Variants in GPC6 observed in about 807,000 individuals in gnomAD.
The protein encoded by GPC6 is glypican 6, also known as glypican-6.
In GPC6, 14 loss-of-function variants were observed where a neutral mutation model predicts 55.2. That is an observed-to-expected ratio of 0.25 (90% CI 0.17 to 0.40). The LOEUF is 0.40. Among genes scored for constraint, GPC6 ranks in the 10% least tolerant of loss-of-function variants. GPC6 has a pLI of 1.00. For synonymous variants in GPC6, 278 were observed against 259.6 expected (o/e 1.07, Z -0.68); for missense variants, 641 against 708.5 (o/e 0.90, Z 1.08).
At chr13:94,101,621 C>G (rs188132093) in intron 4 of GPC6, among the ~76,000 whole-genome samples, 11 of 152,274 alleles carry the variant, frequency 7.2e-5, no homozygotes, top group African/African-American at 2.2e-4. Context: ...TCAACAGCAA[C>G]TGTGTTTTGA....
At chr13:94,162,526 C>T (rs1435910396) in intron 4 of GPC6, among the ~76,000 whole-genome samples, 1 of 152,194 alleles carries the variant, frequency 6.6e-6, no homozygotes, top group African/African-American at 2.4e-5. Flanking sequence ...TGGCTCACAA[C>T]AGTGAGGGCT....
intron 4 of GPC6, among the ~76,000 whole-genome samples, chr13:94,069,768 A>T (rs1006594310): frequency 6.6e-6 from 1 of 152,184 alleles, no homozygotes. Context: ...CTAGTTCCCA[A>T]CAAGTTTCTC....
rs886050359 is a variant in GPC6, at chr13:94,406,016, G to A, written c.*2799G>A. On this transcript the variant is annotated 3_prime_UTR_variant, in exon 9 of 9. Transcript: ENST00000377047. The stretch of plus-strand genomic sequence containing the variant: ...GCATAGTGATAGGGGATGCAATGAG[G>A]CTTCATTATTTTTTATGACCTGCCC... 2.6e-5 allele frequency: 4 copies of A among 151,954 alleles called. No individual in the cohort carries two copies. The highest frequency in any genetic ancestry group is 5.9e-5 in the Non-Finnish European group (4 of 67,960). The allele number at this position is 151,954 out of a possible 1,614,324, so 9.4% of individuals were successfully genotyped here. A position where few individuals can be genotyped will look rare whatever the true frequency, so the allele number is the denominator to read the frequency against.
At chr13:94,006,142 T>G (rs898404042) in intron 3 of GPC6, among the ~76,000 whole-genome samples, 2 of 152,192 alleles carry the variant, frequency 1.3e-5, no homozygotes, top group African/African-American at 2.4e-5. Context: ...GAATCCCCAT[T>G]TAACTATTGC....
intron 4 of GPC6, among the ~76,000 whole-genome samples, chr13:94,083,834 T>A (rs1477156887): frequency 6.6e-6 from 1 of 152,262 alleles, no homozygotes; most frequent in Non-Finnish European, 1.5e-5. Flanking sequence ...CTTACTTTTC[T>A]GATAAAACAC....
chr13:93,436,568 CAG>C (rs752413318), intron 1 of GPC6, among the ~76,000 whole-genome samples: 1 of 152,052 alleles, frequency 6.6e-6, no homozygotes, highest in African/African-American at 2.4e-5. Context: ...TCAGAAAAAT[CAG>C]AGTCACACTT....
At chr13:94,211,441 C>T (rs1890076387) in intron 4 of GPC6, among the ~76,000 whole-genome samples, 1 of 152,072 alleles carries the variant, frequency 6.6e-6, no homozygotes, top group South Asian at 2.1e-4. Context: ...CCTTTTGTCT[C>T]ATAGCATAGA....
intron 1 of GPC6, among the ~76,000 whole-genome samples, chr13:93,419,936 T>A (rs1348201595): frequency 4.6e-5 from 7 of 151,910 alleles, no homozygotes; most frequent in Non-Finnish European, 8.8e-5. Flanking sequence ...AAGTAGGAGG[T>A]TGTAAGAAGG....
chr13:93,561,451 AC>A (rs1723342295), intron 2 of GPC6, among the ~76,000 whole-genome samples: 1 of 145,292 alleles, frequency 6.9e-6, no homozygotes, highest in Non-Finnish European at 1.5e-5. Context: ...ATATTCTAAT[AC>A]TGTTTTCTTT....
At chr13:94,320,037 A>G (rs554243866) in intron 6 of GPC6, among the ~76,000 whole-genome samples, 2 of 152,206 alleles carry the variant, frequency 1.3e-5, no homozygotes, top group Middle Eastern at 3.4e-3. Flanking sequence ...CATCCTCCAC[A>G]TCTCTTAACC....
intron 2 of GPC6, among the ~76,000 whole-genome samples, chr13:93,705,261 G>A (rs1443611135): frequency 6.6e-6 from 1 of 151,902 alleles, no homozygotes; most frequent in East Asian, 1.9e-4. Flanking sequence ...CTCGATAAGT[G>A]CTGCCAAAGT....
At chr13:94,008,033 T>C (rs562837825) in intron 3 of GPC6, among the ~76,000 whole-genome samples, 1 of 152,184 alleles carries the variant, frequency 6.6e-6, no homozygotes, top group South Asian at 2.1e-4. Context: ...ATATCATAAA[T>C]TTTTTTTCTA....
chr13:94,222,498 T>C (rs1890414641), intron 4 of GPC6, among the ~76,000 whole-genome samples: 1 of 152,028 alleles, frequency 6.6e-6, no homozygotes, highest in South Asian at 2.1e-4. Context: ...TTCTGACAGC[T>C]CTAGTGGGGT....
At chr13:93,492,834 G>C (rs1458934216) in intron 1 of GPC6, among the ~76,000 whole-genome samples, 1 of 150,254 alleles carries the variant, frequency 6.7e-6, no homozygotes, top group Non-Finnish European at 1.5e-5. Flanking sequence ...TTATTGATTG[G>C]CATATATTGA....
At chr13:94,085,530 G>T (rs1338989347) in intron 4 of GPC6, among the ~76,000 whole-genome samples, 1 of 152,116 alleles carries the variant, frequency 6.6e-6, no homozygotes, top group Non-Finnish European at 1.5e-5. Flanking sequence ...ACCTGCAGCA[G>T]CCTCTTTCGG....
intron 3 of GPC6, among the ~76,000 whole-genome samples, chr13:93,853,499 A>G (rs1888485544): frequency 7.9e-5 from 12 of 151,698 alleles, no homozygotes; most frequent in Admixed American, 7.2e-4. Flanking sequence ...AATTGTTCTA[A>G]TAGACCGTTC....
chr13:94,366,826 G>A (rs371316196), intron 6 of GPC6, among the ~76,000 whole-genome samples: 1 of 152,152 alleles, frequency 6.6e-6, no homozygotes. Flanking sequence ...GGTCAGCAGC[G>A]AATCAAAAGG....
intron 2 of GPC6, among the ~76,000 whole-genome samples, chr13:93,551,201 A>T (rs1875139979): frequency 6.6e-6 from 1 of 151,988 alleles, no homozygotes. Flanking sequence ...TTTACCATTG[A>T]TTTTATTTTC....
chr13:94,335,293 A>T (rs1037122461), intron 6 of GPC6, among the ~76,000 whole-genome samples: 2 of 152,246 alleles, frequency 1.3e-5, no homozygotes, highest in Admixed American at 6.5e-5. Context: ...TGGATAGGAT[A>T]TGCTGAATGT....
Sources: allele counts gnomAD v4.1 joint callset (sites outside exome capture counted in the v4.1 genomes callset), GRCh38; gene constraint gnomAD v4.1.1; transcripts MANE v1.5; gene names NCBI Gene and HGNC (gene_info 2026-07-23, HGNC 2026-07-21).